SCEL: variants seen among roughly 807,000 people sequenced by gnomAD.
The protein encoded by SCEL is sciellin.
Under a neutral mutation model 117.6 loss-of-function variants are expected in SCEL, and 113 were observed. The observed-to-expected ratio is 0.96, with a 90% CI of 0.83 to 1.12. The LOEUF (loss-of-function observed/expected upper bound fraction) is 1.12. Among genes scored for constraint, SCEL ranks in the 50% most tolerant of loss-of-function variants. The pLI is 0.00. For synonymous variants in SCEL, 270 were observed against 256.2 expected (o/e 1.05, Z -0.51); for missense variants, 785 against 810.8 (o/e 0.97, Z 0.39).
intron 12 of SCEL, among the ~76,000 whole-genome samples, 179 bp downstream of exon 12, chr13:77,593,752 A>G (rs1483761505): frequency 6.6e-6 from 1 of 152,180 alleles, no homozygotes; most frequent in Non-Finnish European, 1.5e-5. Context: ...GGATGGTGCC[A>G]ACATTTATGG....
intron 27 of SCEL, among the ~76,000 whole-genome samples, chr13:77,622,149 T>C (rs1255929547): frequency 6.6e-6 from 1 of 152,206 alleles, no homozygotes; most frequent in African/African-American, 2.4e-5. Flanking sequence ...AAGATTTAGT[T>C]CCTGGCGTAA....
In SCEL at chr13:77,568,392, A is replaced by C. The variant is rs1023410720; in HGVS notation, c.398+59A>C. ...TTTATGTATTCAAGAAAAACCAGGGAAAACCACCTCAGGCCAATTTTATTG... is the reference window on the plus strand; with the variant it reads ...TTTATGTATTCAAGAAAAACCAGGGCAAACCACCTCAGGCCAATTTTATTG... On this transcript the variant is annotated intron_variant, in intron 7 of 32. Transcript: ENST00000349847. 15 of 1,106,156 alleles carry C rather than the reference A, an allele frequency of 1.4e-5. No homozygotes were observed. In the East Asian group the frequency reaches 2.0e-4, roughly 15 times the overall value. 68.5% of individuals were successfully genotyped at this position (1,106,156 alleles called of 1,614,324 possible).
chr13:77,569,501 T>C (rs1221531301), intron 8 of SCEL, 50 bp downstream of exon 8: 1 of 1,404,252 alleles, frequency 7.1e-7, no homozygotes, highest in Non-Finnish European at 1.0e-6. Context: ...TATGAAAGAC[T>C]GCATTAGAAA....
chr13:77,633,941 G>T (rs1178404650), intron 28 of SCEL, among the ~76,000 whole-genome samples: 1 of 152,176 alleles, frequency 6.6e-6, no homozygotes, highest in African/African-American at 2.4e-5. Context: ...ACATTAGTGT[G>T]ACATTCTTTA....
chr13:77,643,821 C>G (rs2090675090), intron 32 of SCEL, among the ~76,000 whole-genome samples: 1 of 152,098 alleles, frequency 6.6e-6, no homozygotes, highest in African/African-American at 2.4e-5. Flanking sequence ...CCAGAGAGTT[C>G]TCATATTCAC....
At chr13:77,569,021 C>CA (rs995812043) in intron 7 of SCEL, among the ~76,000 whole-genome samples, 1 of 152,002 alleles carries the variant, frequency 6.6e-6, no homozygotes, top group East Asian at 1.9e-4. Flanking sequence ...GCTTCTAATG[C>CA]AAAAAACCGC....
At chr13:77,603,461 G>T (rs1409732046) in intron 18 of SCEL, among the ~76,000 whole-genome samples, 1 of 152,152 alleles carries the variant, frequency 6.6e-6, no homozygotes, top group East Asian at 1.9e-4. Flanking sequence ...TGACAGAGGT[G>T]GCCAAGAGTG....
chr13:77,591,753 C>G (rs1435121209), intron 11 of SCEL, among the ~76,000 whole-genome samples: 3 of 152,168 alleles, frequency 2.0e-5, no homozygotes, highest in South Asian at 4.1e-4. Context: ...CCAGGACCTG[C>G]TCTGAGGTCT....
chr13:77,618,140 C>T (rs1356341951), intron 27 of SCEL, 80 bp downstream of exon 27: 4 of 1,039,006 alleles, frequency 3.8e-6, no homozygotes, highest in Admixed American at 1.7e-5. Flanking sequence ...CTCCCTGCCT[C>T]CCTCCCTTCC....
At chr13:77,612,793 T>G in intron 22 of SCEL, 98 bp from the exon 23 acceptor site, 1 of 653,826 alleles carries the variant, frequency 1.5e-6, no homozygotes, top group Non-Finnish European at 2.5e-6. Flanking sequence ...AGATGAAGTT[T>G]TAAATTAGCA....
intron 11 of SCEL, among the ~76,000 whole-genome samples, chr13:77,593,308 G>T (rs1594055501): frequency 6.8e-6 from 1 of 147,574 alleles, no homozygotes; most frequent in Non-Finnish European, 1.5e-5. Flanking sequence ...CTGTGTGTGT[G>T]TGTGTGTGTG....
At chr13:77,631,017 C>T (rs1029890176) in intron 28 of SCEL, among the ~76,000 whole-genome samples, 2 of 152,156 alleles carry the variant, frequency 1.3e-5, no homozygotes, top group African/African-American at 4.8e-5. Flanking sequence ...ATTCTAGGGA[C>T]TATACTTTGA....
Position 77,572,188 on chromosome 13 carries a change from CGGTAAG to C in SCEL, c.545+2_545+7del. On this transcript the variant is annotated splice_donor_variant and splice_donor_5th_base_variant and coding_sequence_variant and intron_variant, in exon 9 of 33. Transcript: ENST00000349847. LOFTEE classifies it high-confidence loss of function. ...CTCCTCGAGCACAGGAACCAGGAGA[CGGTAAG>C]GGAAAGGTGTCAGGCGTAATTGCTG... 1 of 1,609,366 alleles carries C rather than the reference CGGTAAG, an allele frequency of 6.2e-7. No individual in the cohort carries two copies. Among genetic ancestry groups the C allele is most frequent in the Non-Finnish European group, 8.5e-7 (1 of 1,176,856 alleles).
At chr13:77,569,280 G>GGAATATGA in intron 7 of SCEL, 91 bp from the exon 8 acceptor site, 2 of 956,420 alleles carry the variant, frequency 2.1e-6, no homozygotes, top group East Asian at 2.4e-5. Flanking sequence ...AGAGCAGGCA[G>GGAATATGA]GAATATGAGT....
intron 3 of SCEL, among the ~76,000 whole-genome samples, chr13:77,559,384 C>G (rs1314129905): frequency 6.6e-6 from 1 of 152,154 alleles, no homozygotes; most frequent in Non-Finnish European, 1.5e-5. Context: ...ACCAACATAC[C>G]CAGACGTAAT....
chr13:77,596,170 T>A (rs1483030626), intron 12 of SCEL, among the ~76,000 whole-genome samples: 2 of 152,118 alleles, frequency 1.3e-5, no homozygotes, highest in East Asian at 3.9e-4. Flanking sequence ...CCATCTCTAC[T>A]AAAACTACAA....
Position 77,563,797 on chromosome 13 carries a change from A to ATT in SCEL, c.222-22_222-21dup, listed in dbSNP as rs58662011. 5,824 of 1,225,458 alleles carry ATT rather than the reference A, an allele frequency of 4.8e-3. 2 individuals are homozygous for ATT. Among genetic ancestry groups the ATT allele is most frequent in the Non-Finnish European group, 5.3e-3 (4,742 of 894,788 alleles). 75.9% of individuals were successfully genotyped at this position (1,225,458 alleles called of 1,614,324 possible). On this transcript the variant is annotated intron_variant, in intron 4 of 32. Coordinates refer to ENST00000349847, the MANE Select transcript of SCEL (RefSeq NM_144777.3). ...AAACTTTTTTTTTGTAATTGATTTG[A>ATT]TTTTTTTTTTTTTGGTAATTATGTT...
intron 11 of SCEL, among the ~76,000 whole-genome samples, chr13:77,592,263 T>C (rs190625547): frequency 6.6e-6 from 1 of 152,296 alleles, no homozygotes; most frequent in Non-Finnish European, 1.5e-5. Flanking sequence ...TTTCCCTTGT[T>C]CTGAGGAGCT....
intron 9 of SCEL, among the ~76,000 whole-genome samples, chr13:77,579,340 T>C (rs572897593): frequency 1.3e-5 from 2 of 152,336 alleles, no homozygotes; most frequent in East Asian, 1.9e-4. Context: ...AATTTATCCA[T>C]TGTAGTTTGT....
Sources: allele counts gnomAD v4.1 joint callset (sites outside exome capture counted in the v4.1 genomes callset), GRCh38; gene constraint gnomAD v4.1.1; transcripts MANE v1.5; gene names NCBI Gene and HGNC (gene_info 2026-07-23, HGNC 2026-07-21).